Variants in RNF2 observed in about 807,000 individuals in gnomAD.
RNF2 encodes the protein ring finger protein 2, also known as E3 ubiquitin-protein ligase RING2.
Under a neutral mutation model 37.2 loss-of-function variants are expected in RNF2, and 6 were observed. The ratio of observed to expected loss-of-function variants is 0.16; its 90% CI spans 0.09 to 0.32. The LOEUF is 0.32. Among genes scored for constraint, RNF2 ranks in the 10% least tolerant of loss-of-function variants. The pLI is 1.00. For synonymous variants in RNF2, 133 were observed against 132.7 expected, an observed-to-expected ratio of 1.00 and a Z score of -0.02; for missense variants, 251 against 404.0, an observed-to-expected ratio of 0.62 and a Z score of 3.25.
chr1:185,079,818 TA>T (rs1439383288), intron 1 of RNF2, among the ~76,000 whole-genome samples: 2 of 152,082 alleles, frequency 1.3e-5, no homozygotes, highest in Non-Finnish European at 2.9e-5. Context: ...TAGTCCCAGC[TA>T]CTCAGGAGGC....
chr1:185,077,625 G>GTTTTTGT (rs1553241128), intron 1 of RNF2, among the ~76,000 whole-genome samples: 5 of 115,696 alleles, frequency 4.3e-5, no homozygotes, highest in Non-Finnish European at 9.1e-5. Context: ...AATTAACTTT[G>GTTTTTGT]TTTTTTTTTT....
At chr1:185,065,911 G>A (rs1023725408) in intron 1 of RNF2, among the ~76,000 whole-genome samples, 3 of 150,002 alleles carry the variant, frequency 2.0e-5, no homozygotes, top group Non-Finnish European at 4.4e-5. Context: ...CCACTAGTAT[G>A]TTGAATAGAA....
intron 1 of RNF2, among the ~76,000 whole-genome samples, chr1:185,077,697 G>A (rs1651215958): frequency 7.3e-6 from 1 of 137,272 alleles, no homozygotes; most frequent in Non-Finnish European, 1.5e-5. Flanking sequence ...ACTTTCATGA[G>A]CAAATCTGTT....
Position 185,100,311 on chromosome 1 carries a change from AAC to A in RNF2, c.*11_*12del. ...AAAGGAGCACAAATGAGCCTTTAAA[AAC>A]CAATTCTGAGACTGAACTTTTTTAT... is the stretch of plus-strand genomic sequence containing the variant. On this transcript the variant is annotated 3_prime_UTR_variant, in exon 7 of 7. Transcript: ENST00000367510. The A allele has an allele frequency of 6.3e-7, 1 of 1,583,056 alleles. No individual in the cohort carries two copies. Among genetic ancestry groups the A allele is most frequent in the Non-Finnish European group, 8.6e-7 (1 of 1,165,404 alleles).
rs1260094438 is a variant in RNF2 at position 185,045,597 on chromosome 1, C to G, written c.-55C>G. 3 of 152,388 alleles carry G rather than the reference C, an allele frequency of 2.0e-5. No individual in the cohort carries two copies. The highest frequency in any genetic ancestry group is 7.2e-5 in the African/African-American group (3 of 41,456). 9.4% of individuals were successfully genotyped at this position (152,388 alleles called of 1,614,324 possible). ...CGCCGGCGTCCGCGGCAGCTGATACCAGAGTCTTGCTCCGGCCGCGGCCAG... is the reference window on the plus strand; with the variant it reads ...CGCCGGCGTCCGCGGCAGCTGATACGAGAGTCTTGCTCCGGCCGCGGCCAG... On this transcript the variant is annotated 5_prime_UTR_variant, in exon 1 of 7. Transcript: ENST00000367510.
intron 1 of RNF2, among the ~76,000 whole-genome samples, chr1:185,055,787 G>A (rs1164775676): frequency 6.6e-6 from 1 of 152,126 alleles, no homozygotes; most frequent in Non-Finnish European, 1.5e-5. Flanking sequence ...AATATACTTG[G>A]TAAGATTGGA....
At chr1:185,091,498 A>G in intron 2 of RNF2, 81 bp from the exon 3 acceptor site, 1 of 1,391,636 alleles carries the variant, frequency 7.2e-7, no homozygotes, top group South Asian at 1.3e-5. Flanking sequence ...TGTTTTTACC[A>G]TTTCCAGTAC....
chr1:185,063,481 G>A (rs1345127942), intron 1 of RNF2, among the ~76,000 whole-genome samples: 1 of 152,128 alleles, frequency 6.6e-6, no homozygotes, highest in African/African-American at 2.4e-5. Flanking sequence ...CAGAAGATAA[G>A]ACTATTGAGC....
intron 1 of RNF2, among the ~76,000 whole-genome samples, chr1:185,060,895 G>T (rs1028374341): frequency 5.9e-5 from 9 of 152,280 alleles, no homozygotes; most frequent in African/African-American, 2.2e-4. Flanking sequence ...GAGGTAGGAA[G>T]ATCACTTGAG....
chr1:185,088,759 A>C lies in RNF2; in HGVS notation c.87+1119A>C, dbSNP rs78973166. ...AATCCAGGAAGAAAAATTTTCACAA[A>C]GTTCCAAAAACCAAAATTTGAATTT... On this transcript the variant is annotated intron_variant, in intron 2 of 6. Coordinates refer to ENST00000367510, the MANE Select transcript of RNF2 (RefSeq NM_007212.4). Among the ~76,000 whole-genome samples, 833 of 152,280 alleles carry C rather than the reference A, an allele frequency of 5.5e-3. 31 individuals carry two copies. In the East Asian group the frequency reaches 0.085, roughly 15 times the overall value.
In RNF2 at chr1:185,098,215, C is replaced by T. The variant is rs781386220; in HGVS notation, c.608C>T (p.Ser203Phe). 1.2e-6 allele frequency: 2 copies of T among 1,614,054 alleles called. No individual in the cohort carries two copies. The highest frequency in any genetic ancestry group is 2.2e-5 in the South Asian group (2 of 91,092). ...AAACGGACCAAAACATCTGATGATTCTGGGCTAGAGCTTGATAATAACAAT... is the reference window on the plus strand; with the variant it reads ...AAACGGACCAAAACATCTGATGATTTTGGGCTAGAGCTTGATAATAACAAT... ...SNKRTKTSDDSGLELDNNNAA... is the reference protein window; with the variant it reads ...SNKRTKTSDDFGLELDNNNAA... The change falls in exon 5 of 7, where the codon TCT (serine) becomes TTT (phenylalanine). Residue 203 changes from serine (S) to phenylalanine (F), a missense_variant. Ser to Phe is a radical substitution (Grantham distance 155). Around this residue, in one of 7 missense-constraint regions of RNF2, gnomAD observed 94 missense variants for 99.2 expected, o/e 0.95. Transcript: ENST00000367510.
At chr1:185,081,893 A>T (rs907286888) in intron 1 of RNF2, among the ~76,000 whole-genome samples, 2 of 152,228 alleles carry the variant, frequency 1.3e-5, no homozygotes, top group Non-Finnish European at 2.9e-5. Context: ...GTAGTGGATC[A>T]GAAAGCTGTA....
intron 6 of RNF2, 64 bp downstream of exon 6, chr1:185,100,026 A>C: frequency 6.9e-7 from 1 of 1,452,830 alleles, no homozygotes; most frequent in Non-Finnish European, 9.5e-7. Context: ...CTGAGTGGCA[A>C]GTGGTGGGGT....
rs201206529 is a variant in RNF2, at chr1:185,099,976, A to G, written c.909+14A>G. ...GGCCAGTTCACTGTGAGTATTTAAA[A>G]TAATAGACTGTTGAAACTGGGAGCA... is the stretch of plus-strand genomic sequence containing the variant. On this transcript the variant is annotated intron_variant, in intron 6 of 6. Coordinates refer to ENST00000367510, the MANE Select transcript of RNF2 (RefSeq NM_007212.4). The G allele has an allele frequency of 8.7e-5, 139 of 1,599,386 alleles. No homozygotes were observed. The highest frequency in any genetic ancestry group is 1.1e-4 in the Non-Finnish European group (133 of 1,169,158).
At chr1:185,096,854 A>T (rs1571328134) in intron 4 of RNF2, among the ~76,000 whole-genome samples, 10 of 144,090 alleles carry the variant, frequency 6.9e-5, no homozygotes, top group Middle Eastern at 3.5e-3. Flanking sequence ...TTTTTTTTTT[A>T]AAGCATGAGT....
At chr1:185,076,760 C>G (rs1479077312) in intron 1 of RNF2, among the ~76,000 whole-genome samples, 1 of 151,558 alleles carries the variant, frequency 6.6e-6, no homozygotes, top group East Asian at 1.9e-4. Flanking sequence ...TTATATTGAT[C>G]TGTTTTTCTT....
At chr1:185,050,049 G>A (rs960103862) in intron 1 of RNF2, among the ~76,000 whole-genome samples, 1 of 152,214 alleles carries the variant, frequency 6.6e-6, no homozygotes, top group Non-Finnish European at 1.5e-5. Context: ...GAGTCTGGGA[G>A]GGTAGTTTTG....
chr1:185,072,090 A>G (rs1457276078), intron 1 of RNF2: 2 of 152,640 alleles, frequency 1.3e-5, no homozygotes, highest in Non-Finnish European at 2.9e-5. Context: ...AAGAGGTAGC[A>G]CTGAAATGGT....
chr1:185,076,265 G>GTTTTTTTTTTTTTTTTTTTTT (rs1557967374), intron 1 of RNF2, among the ~76,000 whole-genome samples: 1 of 39,538 alleles, frequency 2.5e-5, no homozygotes, highest in African/African-American at 8.2e-5. Context: ...TCTTTTATGG[G>GTTTTTTTTTTTTTTTTTTTTT]TTGTTTTTTT....
Sources: gnomAD v4.1 joint callset for allele counts (sites outside exome capture counted in the v4.1 genomes callset) on GRCh38, gnomAD v4.1.1 for gene constraint, gnomAD v4.1.1 regional missense constraint, MANE v1.5 for transcripts, NCBI Gene and HGNC (gene_info 2026-07-23, HGNC 2026-07-21) for gene names.